Variants in EP400 observed in about 807,000 individuals in gnomAD.
The protein encoded by EP400 is E1A binding protein p400, also known as E1A-binding protein p400.
A neutral mutation model predicts 354.1 loss-of-function variants in EP400; 105 were observed. The ratio of observed to expected loss-of-function variants is 0.30; its 90% CI spans 0.25 to 0.35. The LOEUF (loss-of-function observed/expected upper bound fraction) is 0.35, where lower values mean the gene tolerates loss of function less well. Among genes scored for constraint, EP400 ranks in the 10% least tolerant of loss-of-function variants. The probability of loss-of-function intolerance (pLI) is 1.00; values close to 1 mark genes in which losing one functional copy is unlikely to be tolerated. For missense variants in EP400, 3,280 were observed against 4,121.0 expected (o/e 0.80, Z 5.59); for synonymous variants, 1,646 against 1,716.9 (o/e 0.96, Z 1.02).
chr12:132,073,459 C>CTTTTCCTTTTTTTT (rs1896125887), intron 51 of EP400, among the ~76,000 whole-genome samples: 1 of 117,730 alleles, frequency 8.5e-6, no homozygotes, highest in African/African-American at 4.4e-5. Context: ...GTCCCTTTTC[C>CTTTTCCTTTTTTTT]TTTTTTTTTT....
In EP400 at chr12:131,992,168, T is replaced by C; in HGVS notation, c.2680-5T>C. 1 of 1,606,342 alleles carries C rather than the reference T, an allele frequency of 6.2e-7. No homozygotes were observed. Reference sequence around the variant, plus strand: ...TGCTTGTGGTTTTTCTTTCTTTTCTTTCAGGATTCAGGAATGTCTGGAAGA... The same window carrying C: ...TGCTTGTGGTTTTTCTTTCTTTTCTCTCAGGATTCAGGAATGTCTGGAAGA... On this transcript the variant is annotated splice_polypyrimidine_tract_variant and splice_region_variant and intron_variant, in intron 10 of 52. Coordinates refer to ENST00000389561, the MANE Select transcript of EP400 (RefSeq NM_015409.5).
At chr12:131,992,571 C>T (rs890898389) in intron 11 of EP400, among the ~76,000 whole-genome samples, 2 of 152,152 alleles carry the variant, frequency 1.3e-5, no homozygotes, top group African/African-American at 4.8e-5. Flanking sequence ...CCATGGTTGC[C>T]AGCCATTGGG....
In EP400 at chr12:132,067,195, T is replaced by G. The variant is rs1895920289; in HGVS notation, c.8750-167T>G. 2 of 1,208,388 alleles carry G rather than the reference T, an allele frequency of 1.7e-6. No individual in the cohort carries two copies. Among genetic ancestry groups the G allele is most frequent in the East Asian group, 2.4e-5 (1 of 41,246 alleles). 74.9% of individuals were successfully genotyped at this position (1,208,388 alleles called of 1,614,324 possible). ...ATTTCCGTCTTAATTTAAGTGTAAT[T>G]TGTGAACCCAGAAACATTTTAATGT... On this transcript the variant is annotated intron_variant, in intron 49 of 52. Coordinates refer to ENST00000389561, the MANE Select transcript of EP400 (RefSeq NM_015409.5). This position sits in a 1 kb window ranked among gnomAD's most constrained non-coding sequence, Gnocchi z 5.3.
intron 1 of EP400, among the ~76,000 whole-genome samples, chr12:131,958,325 C>T (rs1891771220): frequency 6.6e-6 from 1 of 152,190 alleles, no homozygotes; most frequent in African/African-American, 2.4e-5. Context: ...TCTCTGTGGC[C>T]TTGCTCTTCC....
In EP400 at chr12:132,028,343, A is replaced by C. The variant is rs150577655; in HGVS notation, c.5381+55A>C. 1.0e-4 allele frequency: 159 copies of C among 1,589,114 alleles called. No homozygotes were observed. The Middle Eastern group carries it at 1.3e-3, about 13-fold the overall frequency. ...CTCTCTGGCTGCATTGCACCCCGGC[A>C]AGACCCCTTCTTGTCTCGTGGATGT... On this transcript the variant is annotated intron_variant, in intron 27 of 52. Coordinates refer to ENST00000389561, the MANE Select transcript of EP400 (RefSeq NM_015409.5).
rs985726588 is a variant in EP400, at chr12:131,994,645, G to C, written c.2738-222G>C. Among the ~76,000 whole-genome samples, 2 of 152,228 alleles carry C rather than the reference G, an allele frequency of 1.3e-5. No individual in the cohort carries two copies. The highest frequency in any genetic ancestry group is 4.8e-5 in the African/African-American group (2 of 41,462). On this transcript the variant is annotated intron_variant, in intron 11 of 52. Transcript: ENST00000389561. This position sits in a 1 kb window ranked among gnomAD's most constrained non-coding sequence, Gnocchi z 4.6. The stretch of plus-strand genomic sequence containing the variant: ...TGTTGGCCTGAAGAAGGTCTGCCAT[G>C]TGTGGAAAAACCAGGGCTGTCATTC...
chr12:132,045,792 T>C lies in EP400; in HGVS notation c.7092T>C (p.Asn2364=), dbSNP rs1183653193. ...LTIVSPAHTP[N]WDLVSDVVNS... ...TCGTGTCACCTGCTCACACACCTAA[T>C]TGGGATCTTGTCAGTGACGTTGTTA... is the stretch of plus-strand genomic sequence containing the variant. The change falls in exon 39 of 53, where the codon AAT becomes AAC. Residue 2364 remains asparagine (N), a synonymous_variant. Coordinates refer to ENST00000389561, the MANE Select transcript of EP400 (RefSeq NM_015409.5). The C allele has an allele frequency of 3.7e-6, 6 of 1,614,218 alleles. No homozygotes were observed. Among genetic ancestry groups the C allele is most frequent in the East Asian group, 2.2e-5 (1 of 44,886 alleles).
rs1256457728 is a variant in EP400 at position 132,018,312 on chromosome 12, G to A, written c.4213G>A (p.Glu1405Lys). ...GAAAAAGATACCGCGGAAACTCATG[G>A]AGGAAATCTCCACTTCAGCAGCCCC... ...SKKKIPRKLM[E>K]EISTSAAPAA... is the part of the protein sequence containing the mutation. Residue 1405 changes from glutamate to lysine, a missense_variant, in exon 21 of 53, where the codon GAG (glutamate) becomes AAG (lysine). Coordinates refer to ENST00000389561, the MANE Select transcript of EP400 (RefSeq NM_015409.5). The surrounding 1 kb of genome is among the most constrained non-coding windows in gnomAD (Gnocchi z 4.0). The A allele has an allele frequency of 7.4e-6, 12 of 1,613,324 alleles. No individual in the cohort carries two copies. Among genetic ancestry groups the A allele is most frequent in the South Asian group, 2.2e-5 (2 of 90,922 alleles).
intron 1 of EP400, among the ~76,000 whole-genome samples, chr12:131,951,472 C>T (rs1455875112): frequency 6.6e-6 from 1 of 152,108 alleles, no homozygotes; most frequent in Non-Finnish European, 1.5e-5. Context: ...TGAGCTACCG[C>T]GCCGGGACAC....
intron 15 of EP400, among the ~76,000 whole-genome samples, chr12:132,011,063 A>G (rs1404055267): frequency 6.6e-6 from 1 of 152,246 alleles, no homozygotes; most frequent in Non-Finnish European, 1.5e-5. Flanking sequence ...CTTGGCTAAC[A>G]AAACACAGTT....
chr12:132,059,508 G>A (rs1895617771), intron 45 of EP400, among the ~76,000 whole-genome samples: 1 of 152,208 alleles, frequency 6.6e-6, no homozygotes, highest in South Asian at 2.1e-4. Context: ...CTGACCTGGA[G>A]CAAATGCAGA....
In EP400 at chr12:132,076,613, T is replaced by G; in HGVS notation, c.9099+20T>G. The G allele has an allele frequency of 6.3e-7, 1 of 1,593,058 alleles. No homozygotes were observed. Among genetic ancestry groups the G allele is most frequent in the African/African-American group, 1.3e-5 (1 of 74,214 alleles). On this transcript the variant is annotated intron_variant, in intron 52 of 52. Transcript: ENST00000389561. ...CAGCAGGTAGGACGCATAGACAAAG[T>G]GGAAACCTCACATTTCCCAGGTCAG...
chr12:132,051,746 C>T (rs547262698), intron 41 of EP400, among the ~76,000 whole-genome samples: 10 of 152,132 alleles, frequency 6.6e-5, no homozygotes, highest in African/African-American at 1.4e-4. Context: ...TAACTGCGGG[C>T]GGGCCTGACT....
At chr12:132,061,785 A>T (rs1895702428) in intron 45 of EP400, among the ~76,000 whole-genome samples, 1 of 152,218 alleles carries the variant, frequency 6.6e-6, no homozygotes, top group Admixed American at 6.5e-5. Context: ...GGGTGCCTCA[A>T]GGACAGTCGT....
chr12:132,015,185 G>A (rs776395472), intron 19 of EP400, among the ~76,000 whole-genome samples: 1 of 152,226 alleles, frequency 6.6e-6, no homozygotes, highest in African/African-American at 2.4e-5. Flanking sequence ...TGATGACTGT[G>A]GAATTTCTCA....
At position 132,055,194 on chromosome 12, in the gene EP400, C is replaced by G; in HGVS notation, c.7870C>G (p.Pro2624Ala). 6.4e-7 allele frequency: 1 copy of G among 1,567,704 alleles called. No individual in the cohort carries two copies. The highest frequency in any genetic ancestry group is 8.7e-7 in the Non-Finnish European group (1 of 1,155,716). Residue 2624 changes from proline (P) to alanine (A), a missense_variant, in exon 45 of 53, where the codon CCT (proline) becomes GCT (alanine). Around this residue, in one of 20 missense-constraint regions of EP400, gnomAD observed 255 missense variants for 295.9 expected, o/e 0.86. Coordinates refer to ENST00000389561, the MANE Select transcript of EP400 (RefSeq NM_015409.5). ...INKRLASPVA[P>A]GALTTPGGSA... is the part of the protein sequence containing the mutation. ...CAAGCGCCTGGCGTCGCCAGTGGCT[C>G]CTGGGGCCTTGACTGTGAGTTGCGC...
At chr12:131,974,959 C>T (rs956410696) in intron 2 of EP400, among the ~76,000 whole-genome samples, 3 of 131,790 alleles carry the variant, frequency 2.3e-5, no homozygotes, top group African/African-American at 8.7e-5. Context: ...CACTGTACTC[C>T]ATCCTGGGCG....
rs376495690 is a variant in EP400 at position 132,013,477 on chromosome 12, G to A, written c.3612-13G>A. The A allele has an allele frequency of 3.9e-6, 6 of 1,549,948 alleles. No individual in the cohort carries two copies. The highest frequency in any genetic ancestry group is 1.7e-4 in the Middle Eastern group (1 of 5,784). On this transcript the variant is annotated splice_polypyrimidine_tract_variant and intron_variant, in intron 17 of 52. Coordinates refer to ENST00000389561, the MANE Select transcript of EP400 (RefSeq NM_015409.5). This position sits in a 1 kb window ranked among gnomAD's most constrained non-coding sequence, Gnocchi z 4.5. ...CTGTAGAACTCCAGTGTTGTCTCTT[G>A]TCCTGTTTGCAGCCAACAACGTCTG...
chr12:132,019,387 G>C (rs1304780057), intron 21 of EP400, among the ~76,000 whole-genome samples: 2 of 152,108 alleles, frequency 1.3e-5, no homozygotes, highest in African/African-American at 4.8e-5. Flanking sequence ...CATTGTATAG[G>C]GGTTTTGAAA....
Sources: gnomAD v4.1 joint callset for allele counts (sites outside exome capture counted in the v4.1 genomes callset) on GRCh38, gnomAD v4.1.1 for gene constraint, gnomAD v4.1.1 regional missense constraint, Gnocchi (gnomAD v3.1) non-coding constraint, MANE v1.5 for transcripts, NCBI Gene and HGNC (gene_info 2026-07-23, HGNC 2026-07-21) for gene names.